MEF2C: variants seen among roughly 807,000 people sequenced by gnomAD.
The protein encoded by MEF2C is myocyte enhancer factor 2C, also known as myocyte-specific enhancer factor 2C.
Under a neutral mutation model 50.5 loss-of-function variants are expected in MEF2C, and 6 were observed. That is an observed-to-expected ratio of 0.12 (90% CI 0.07 to 0.23). The LOEUF is 0.23. Ranked by LOEUF, MEF2C falls within the 10% of genes least tolerant of loss-of-function variation. The probability of loss-of-function intolerance (pLI) is 1.00; values close to 1 mark genes in which losing one functional copy is unlikely to be tolerated. For synonymous variants in MEF2C, 183 were observed against 228.0 expected (o/e 0.80, Z 1.78); for missense variants, 276 against 605.0 (o/e 0.46, Z 5.70).
intron 1 of MEF2C, among the ~76,000 whole-genome samples, chr5:88,863,509 A>G (rs542508135): frequency 1.1e-4 from 17 of 152,374 alleles, no homozygotes; most frequent in Admixed American, 3.9e-4. Flanking sequence ...TTCAAGATTC[A>G]CTATTTTGAA....
At chr5:88,751,265 T>C in intron 5 of MEF2C, 1 of 985,482 alleles carries the variant, frequency 1.0e-6, no homozygotes, top group Non-Finnish European at 1.2e-6. Flanking sequence ...CAAGTAAAAG[T>C]GCAGAGACAA....
chr5:88,748,027 C>T lies in MEF2C; in HGVS notation c.637+1043G>A, dbSNP rs906748522. 3 of 980,206 alleles carry T rather than the reference C, an allele frequency of 3.1e-6. No homozygotes were observed. The African/African-American group carries it at 5.3e-5, about 17-fold the overall frequency. The allele number at this position is 980,206 out of a possible 1,614,324, so 60.7% of individuals were successfully genotyped here. On this transcript the variant is annotated intron_variant, in intron 6 of 10. Coordinates refer to ENST00000504921, the MANE Select transcript of MEF2C (RefSeq NM_002397.5). Reference sequence around the variant, plus strand: ...TATAAAATAGGAAGCTAGTGTTATTCATCTTGTTTGCTAATCACTGTGTAG... The same window carrying T: ...TATAAAATAGGAAGCTAGTGTTATTTATCTTGTTTGCTAATCACTGTGTAG...
At chr5:88,835,537 C>T (rs184288265) in intron 1 of MEF2C, among the ~76,000 whole-genome samples, 25 of 152,006 alleles carry the variant, frequency 1.6e-4, no homozygotes, top group Middle Eastern at 3.4e-3. Context: ...ACAGGCCTGG[C>T]GCAGTGGCTC....
chr5:88,801,739 G>A (rs1229263548), intron 3 of MEF2C, among the ~76,000 whole-genome samples: 1 of 152,048 alleles, frequency 6.6e-6, no homozygotes, highest in East Asian at 1.9e-4. Flanking sequence ...GCCTGCCTTG[G>A]CCTCCCAAAG....
At chr5:88,775,841 G>T (rs1784499315) in intron 3 of MEF2C, 1 of 980,940 alleles carries the variant, frequency 1.0e-6, no homozygotes, top group Non-Finnish European at 1.2e-6. Context: ...GAGTATTTTT[G>T]TGTGTGTGAT....
intron 3 of MEF2C, among the ~76,000 whole-genome samples, chr5:88,801,830 C>T (rs1003679960): frequency 2.0e-5 from 3 of 152,146 alleles, no homozygotes; most frequent in Non-Finnish European, 4.4e-5. Flanking sequence ...TCCAGATTCC[C>T]TCTTCACCAA....
chr5:88,742,148 T>C, intron 6 of MEF2C: 2 of 985,378 alleles, frequency 2.0e-6, no homozygotes, highest in South Asian at 4.7e-5. Flanking sequence ...AGTAAAAAAC[T>C]GATTTCCAAA....
At chr5:88,755,122 T>C (rs1334135470) in intron 4 of MEF2C, among the ~76,000 whole-genome samples, 1 of 152,214 alleles carries the variant, frequency 6.6e-6, no homozygotes, top group Non-Finnish European at 1.5e-5. Flanking sequence ...GCCCTTTTGC[T>C]GTGAGGCAAT....
In MEF2C at chr5:88,823,899, G is replaced by T; in HGVS notation, c.-111C>A. 1 of 1,503,254 alleles carries T rather than the reference G, an allele frequency of 6.7e-7. No homozygotes were observed. Among genetic ancestry groups the T allele is most frequent in the Non-Finnish European group, 8.9e-7 (1 of 1,126,700 alleles). The allele number at this position is 1,503,254 out of a possible 1,614,324, so 93.1% of individuals were successfully genotyped here. On this transcript the variant is annotated 5_prime_UTR_variant, in exon 2 of 11. The change creates a new upstream start codon in the 5' untranslated region. Transcript: ENST00000504921. ...AATCTCCTTCTTCAGCACTTGCACAGCTCAGTTCCCAAATTCCTGCATTCG... is the reference window on the plus strand; with the variant it reads ...AATCTCCTTCTTCAGCACTTGCACATCTCAGTTCCCAAATTCCTGCATTCG...
chr5:88,734,087 A>G, intron 6 of MEF2C: 3 of 985,072 alleles, frequency 3.0e-6, no homozygotes, highest in Non-Finnish European at 3.6e-6. Flanking sequence ...GACAAAATGG[A>G]GTGCTTAGAG....
intron 3 of MEF2C, among the ~76,000 whole-genome samples, chr5:88,787,789 G>A (rs80307487): frequency 1.6e-4 from 25 of 152,280 alleles, no homozygotes; most frequent in African/African-American, 4.3e-4. Flanking sequence ...CCGTGTGCAC[G>A]CATGATCTTT....
intron 3 of MEF2C, among the ~76,000 whole-genome samples, chr5:88,781,504 A>C (rs1788004217): frequency 6.6e-6 from 1 of 152,214 alleles, no homozygotes; most frequent in African/African-American, 2.4e-5. Context: ...AAAGTGGCAG[A>C]AACCAGGTTT....
chr5:88,853,487 T>C (rs574928243), intron 1 of MEF2C, among the ~76,000 whole-genome samples: 39 of 152,208 alleles, frequency 2.6e-4, no homozygotes, highest in Non-Finnish European at 5.0e-4. Context: ...TGGGCACAGA[T>C]AATTGTAAAC....
At chr5:88,747,956 C>T (rs886422427) in intron 6 of MEF2C, 14 of 655,878 alleles carry the variant, frequency 2.1e-5, no homozygotes, top group Admixed American at 1.3e-4. Flanking sequence ...CAAAATACTA[C>T]GTGAGTTTAC....
chr5:88,738,048 CAGAG>C (rs1764857694), intron 6 of MEF2C: 3 of 985,142 alleles, frequency 3.0e-6, no homozygotes, highest in Admixed American at 1.2e-4. Flanking sequence ...TGAGGCAGCG[CAGAG>C]AGAAAGGTTT....
At chr5:88,857,439 AC>A (rs1475809168) in intron 1 of MEF2C, among the ~76,000 whole-genome samples, 1 of 152,136 alleles carries the variant, frequency 6.6e-6, no homozygotes. Context: ...ATGAGCTAAG[AC>A]TTTGGGGGAC....
intron 1 of MEF2C, chr5:88,878,093 G>A (rs1024163254): frequency 6.6e-6 from 1 of 151,938 alleles, no homozygotes; most frequent in Non-Finnish European, 1.5e-5. Context: ...CTGTATTATT[G>A]ACTAAATTAG....
At chr5:88,837,608 G>C (rs1025224612) in intron 1 of MEF2C, among the ~76,000 whole-genome samples, 1 of 151,820 alleles carries the variant, frequency 6.6e-6, no homozygotes, top group Non-Finnish European at 1.5e-5. Flanking sequence ...GTTCCTAAAT[G>C]GTATGCATTC....
At chr5:88,771,588 T>C in intron 3 of MEF2C, 1 of 985,440 alleles carries the variant, frequency 1.0e-6, no homozygotes, top group South Asian at 4.7e-5. Context: ...TGGGCATCTC[T>C]GGTCCCTAAC....
Sources: allele counts gnomAD v4.1 joint callset (sites outside exome capture counted in the v4.1 genomes callset), GRCh38; gene constraint gnomAD v4.1.1; transcripts MANE v1.5; gene names NCBI Gene and HGNC (gene_info 2026-07-23, HGNC 2026-07-21).